The following CLTC variants were observed in gnomAD, a reference collection of about 807,000 sequenced individuals.
CLTC encodes clathrin heavy chain 1.
CLTC carries 16 observed loss-of-function variants against 195.8 expected under a neutral mutation model. That is an observed-to-expected ratio of 0.08 (90% CI 0.06 to 0.12). The LOEUF (loss-of-function observed/expected upper bound fraction) is 0.12, where lower values mean the gene tolerates loss of function less well. Ranked by LOEUF, CLTC falls within the 10% of genes least tolerant of loss-of-function variation. The probability of loss-of-function intolerance (pLI) is 1.00; values close to 1 mark genes in which losing one functional copy is unlikely to be tolerated. For synonymous variants in CLTC, 667 were observed against 689.4 expected (o/e 0.97, Z 0.51); for missense variants, 796 against 2,027.0 (o/e 0.39, Z 11.66).
rs1407708083 is a variant in CLTC, at chr17:59,663,881, G to T, written c.1408G>T (p.Val470Leu). The T allele has an allele frequency of 6.2e-6, 10 of 1,613,742 alleles. No homozygotes were observed. The highest frequency in any genetic ancestry group is 8.5e-6 in the Non-Finnish European group (10 of 1,179,838). Reference sequence around the variant, plus strand: ...AGAACTGGGTGATCTTGTGAAATCTGTGGACCCTACATTGGCACTTAGTGT... The same window carrying T: ...AGAACTGGGTGATCTTGTGAAATCTTTGGACCCTACATTGGCACTTAGTGT... Reference protein sequence around the residue: ...SEELGDLVKSVDPTLALSVYL... With the variant: ...SEELGDLVKSLDPTLALSVYL... Residue 470 changes from valine to leucine, a missense_variant, in exon 9 of 32, where the codon GTG (valine) becomes TTG (leucine). Val to Leu is a conservative substitution (Grantham distance 32, BLOSUM62 1). Transcript: ENST00000269122.
At chr17:59,637,615 C>G (rs1341733853) in intron 1 of CLTC, among the ~76,000 whole-genome samples, 1 of 144,312 alleles carries the variant, frequency 6.9e-6, no homozygotes. Context: ...GTAATCCCAG[C>G]ACTTTGGGAG....
chr17:59,673,495 C>G, intron 14 of CLTC, 152 bp from the exon 15 acceptor site: 1 of 581,520 alleles, frequency 1.7e-6, no homozygotes, highest in South Asian at 2.4e-5. Context: ...CTGGGATGTA[C>G]ACACTCAACT....
At chr17:59,622,964 A>G (rs2031430703) in intron 1 of CLTC, among the ~76,000 whole-genome samples, 1 of 152,216 alleles carries the variant, frequency 6.6e-6, no homozygotes, top group African/African-American at 2.4e-5. Context: ...GACTGATAGC[A>G]GTTAATAAAT....
chr17:59,673,270 G>T (rs1417792543), intron 14 of CLTC, among the ~76,000 whole-genome samples: 1 of 152,140 alleles, frequency 6.6e-6, no homozygotes, highest in Non-Finnish European at 1.5e-5. Context: ...TATGCCATAT[G>T]TTTGACAATG....
intron 14 of CLTC, among the ~76,000 whole-genome samples, chr17:59,672,840 C>T (rs939961800): frequency 6.6e-6 from 1 of 152,018 alleles, no homozygotes; most frequent in Non-Finnish European, 1.5e-5. Context: ...CCCTAGTAGA[C>T]TGTGTTAGAG....
intron 1 of CLTC, among the ~76,000 whole-genome samples, chr17:59,633,338 C>G (rs1288796319): frequency 2.6e-5 from 4 of 151,924 alleles, no homozygotes; most frequent in Non-Finnish European, 5.9e-5. Flanking sequence ...TGAAAAAATA[C>G]AAAAATTAGC....
chr17:59,640,843 G>A (rs2032008401), intron 1 of CLTC, among the ~76,000 whole-genome samples: 1 of 151,982 alleles, frequency 6.6e-6, no homozygotes. Context: ...TGACACGGCT[G>A]GACGCCGTGG....
intron 1 of CLTC, among the ~76,000 whole-genome samples, chr17:59,631,674 A>ATCTTG (rs2031721293): frequency 6.6e-6 from 1 of 152,228 alleles, no homozygotes; most frequent in Non-Finnish European, 1.5e-5. Context: ...ATTTTTTAAA[A>ATCTTG]AGATTTTGAA....
At chr17:59,633,750 G>A (rs539846352) in intron 1 of CLTC, among the ~76,000 whole-genome samples, 4 of 152,206 alleles carry the variant, frequency 2.6e-5, no homozygotes, top group African/African-American at 9.6e-5. Context: ...TTGTGAAGTC[G>A]CTGGGAAGTT....
chr17:59,668,561 A>G (rs1271915004), intron 13 of CLTC, among the ~76,000 whole-genome samples: 1 of 152,212 alleles, frequency 6.6e-6, no homozygotes, highest in African/African-American at 2.4e-5. Flanking sequence ...AAAGAAAAAA[A>G]GGAAACATTG....
chr17:59,687,335 A>G (rs2033205491), intron 30 of CLTC, among the ~76,000 whole-genome samples: 1 of 152,094 alleles, frequency 6.6e-6, no homozygotes, highest in Non-Finnish European at 1.5e-5. Context: ...GTAACAGGAA[A>G]TTTCTCTTCC....
chr17:59,669,315 T>C (rs1033845271), intron 14 of CLTC, among the ~76,000 whole-genome samples: 1 of 152,192 alleles, frequency 6.6e-6, no homozygotes, highest in African/African-American at 2.4e-5. Context: ...TTGAGGAGCC[T>C]CTATTGTAGG....
rs546279847 is a variant in CLTC at position 59,652,331 on chromosome 17, G to A, written c.795+1015G>A. 6.6e-5 allele frequency among the ~76,000 whole-genome samples: 10 copies of A among 152,172 alleles called. No homozygotes were observed. In the East Asian group the frequency reaches 1.9e-3, roughly 29 times the overall value. ...TAGAATGATGAATCCTTTCCAGATT[G>A]ACCGTTACTTAAATTTACTGTGGTG... On this transcript the variant is annotated intron_variant, in intron 5 of 31. Coordinates refer to ENST00000269122, the MANE Select transcript of CLTC (RefSeq NM_004859.4).
intron 1 of CLTC, among the ~76,000 whole-genome samples, chr17:59,634,273 C>T (rs2031803928): frequency 6.6e-6 from 1 of 152,062 alleles, no homozygotes; most frequent in Admixed American, 6.5e-5. Flanking sequence ...CTCACCCCTG[C>T]CATTGAATGT....
chr17:59,692,741 A>G (rs1292637020), intron 31 of CLTC, among the ~76,000 whole-genome samples: 1 of 151,858 alleles, frequency 6.6e-6, no homozygotes, highest in Non-Finnish European at 1.5e-5. Context: ...GGTTCAAGTG[A>G]TTCTCCTGCC....
chr17:59,678,129 C>T (rs1467847434), intron 17 of CLTC, among the ~76,000 whole-genome samples: 5 of 152,220 alleles, frequency 3.3e-5, no homozygotes, highest in South Asian at 2.1e-4. Flanking sequence ...TGATGGTTCC[C>T]GATGATTAGA....
In CLTC at chr17:59,660,623, T is replaced by C. The variant is rs761109327; in HGVS notation, c.1167+35T>C. 5.7e-6 allele frequency: 9 copies of C among 1,582,624 alleles called. No homozygotes were observed. In the South Asian group the frequency reaches 1.0e-4, roughly 18 times the overall value. Reference sequence around the variant, plus strand: ...TATGAAAATGAAGTTGTCATGACATTAATCCATTGTTAATATTCTGTTTCT... The same window carrying C: ...TATGAAAATGAAGTTGTCATGACATCAATCCATTGTTAATATTCTGTTTCT... On this transcript the variant is annotated intron_variant, in intron 7 of 31. Coordinates refer to ENST00000269122, the MANE Select transcript of CLTC (RefSeq NM_004859.4).
At position 59,693,925 on chromosome 17, in the gene CLTC, TG is replaced by T; in HGVS notation, c.*78del. On this transcript the variant is annotated 3_prime_UTR_variant, in exon 32 of 32. Transcript: ENST00000269122. ...TCTTTACCCACTTCTCAGTTTATAATGGGGGAAAACAGGCAACGTGTTCTTG... is the reference window on the plus strand; with the variant it reads ...TCTTTACCCACTTCTCAGTTTATAATGGGGAAAACAGGCAACGTGTTCTTG... 5 of 1,439,004 alleles carry T rather than the reference TG, an allele frequency of 3.5e-6. No individual in the cohort carries two copies. Among genetic ancestry groups the T allele is most frequent in the Non-Finnish European group, 4.6e-6 (5 of 1,084,672 alleles). The allele number at this position is 1,439,004 out of a possible 1,614,324, so 89.1% of individuals were successfully genotyped here. A position where few individuals can be genotyped will look rare whatever the true frequency, so the allele number is the denominator to read the frequency against.
chr17:59,693,804 C>T lies in CLTC; in HGVS notation c.4980C>T (p.Thr1660=), dbSNP rs199812583. The change falls in exon 32 of 32, where the codon ACC becomes ACT. Residue 1660 remains threonine, a synonymous_variant. Coordinates refer to ENST00000269122, the MANE Select transcript of CLTC (RefSeq NM_004859.4). ...PPQAPFGYGY[T]APPYGQPQPG... ...AGGCACCTTTTGGTTATGGTTATACCGCACCACCGTATGGACAGCCACAGC... is the reference window on the plus strand; with the variant it reads ...AGGCACCTTTTGGTTATGGTTATACTGCACCACCGTATGGACAGCCACAGC... The T allele has an allele frequency of 3.2e-5, 51 of 1,613,356 alleles. No homozygotes were observed. The African/African-American group carries it at 4.5e-4, about 14-fold the overall frequency.
Sources: gnomAD v4.1 joint callset for allele counts (sites outside exome capture counted in the v4.1 genomes callset) on GRCh38, gnomAD v4.1.1 for gene constraint, MANE v1.5 for transcripts, NCBI Gene and HGNC (gene_info 2026-07-23, HGNC 2026-07-21) for gene names.